BANF2: variants seen among roughly 807,000 people sequenced by gnomAD.
BANF2 encodes barrier-to-autointegration factor-like protein.
A neutral mutation model predicts 8.0 loss-of-function variants in BANF2; 4 were observed. The observed-to-expected ratio is 0.50, with a 90% CI of 0.25 to 1.14. The LOEUF is 1.14. Ranked by LOEUF, BANF2 falls within the 50% of genes most tolerant of loss-of-function variation. The pLI is 0.16. For missense variants in BANF2, 96 were observed against 107.5 expected, an observed-to-expected ratio of 0.89 and a Z score of 0.47; for synonymous variants, 50 against 40.6, an observed-to-expected ratio of 1.23 and a Z score of -0.88.
intron 1 of BANF2, among the ~76,000 whole-genome samples, chr20:17,703,842 G>C (rs1445796722): frequency 2.0e-5 from 3 of 151,256 alleles, no homozygotes; most frequent in South Asian, 4.2e-4. Context: ...CCCAATCCTG[G>C]GTTCAAGCGA....
intron 3 of BANF2, among the ~76,000 whole-genome samples, chr20:17,735,027 C>T (rs746535650): frequency 4.6e-5 from 7 of 152,024 alleles, no homozygotes; most frequent in Non-Finnish European, 1.0e-4. Context: ...TGCAGTGAGC[C>T]GAGATCACGC....
In BANF2 at chr20:17,699,970, C is replaced by A. The variant is rs2037384219; in HGVS notation, c.-252C>A. ...ACTGATTTGCCCCATGGGCCTAAGA[C>A]ATAAGCTGAACCTCTGGCCTGCAGT... is the stretch of plus-strand genomic sequence containing the variant. On this transcript the variant is annotated 5_prime_UTR_variant, in exon 1 of 4. Transcript: ENST00000246090. The A allele has an allele frequency of 4.1e-6, 4 of 985,140 alleles. No individual in the cohort carries two copies. Among genetic ancestry groups the A allele is most frequent in the Non-Finnish European group, 4.8e-6 (4 of 829,736 alleles). The allele number at this position is 985,140 out of a possible 1,614,324, so 61.0% of individuals were successfully genotyped here.
intron 3 of BANF2, among the ~76,000 whole-genome samples, chr20:17,732,499 C>T (rs1010753493): frequency 7.2e-5 from 11 of 152,146 alleles, no homozygotes; most frequent in Admixed American, 2.6e-4. Flanking sequence ...TGGGATTACA[C>T]GCGGCTGCCA....
chr20:17,694,384 G>C (rs1016190343), intron 1 of BANF2, among the ~76,000 whole-genome samples: 1 of 152,108 alleles, frequency 6.6e-6, no homozygotes, highest in African/African-American at 2.4e-5. Context: ...TCTTCTAGGT[G>C]CAGGGATCAG....
chr20:17,729,489 C>T (rs1283859065), intron 3 of BANF2, among the ~76,000 whole-genome samples: 1 of 152,214 alleles, frequency 6.6e-6, no homozygotes, highest in African/African-American at 2.4e-5. Flanking sequence ...GTAATCCCAG[C>T]ACTTTGGGAG....
At chr20:17,717,194 G>A (rs1030315164) in intron 1 of BANF2, among the ~76,000 whole-genome samples, 6 of 152,098 alleles carry the variant, frequency 3.9e-5, no homozygotes, top group African/African-American at 1.4e-4. Flanking sequence ...TCAGTGCAGA[G>A]GTCCCATCAT....
chr20:17,717,011 C>A (rs1170235864), intron 1 of BANF2, among the ~76,000 whole-genome samples: 1 of 152,108 alleles, frequency 6.6e-6, no homozygotes, highest in Non-Finnish European at 1.5e-5. Flanking sequence ...GTGATGGCAC[C>A]AGGCCAGCCA....
At chr20:17,735,213 T>C (rs1012383574) in intron 3 of BANF2, among the ~76,000 whole-genome samples, 2 of 152,232 alleles carry the variant, frequency 1.3e-5, no homozygotes, top group African/African-American at 2.4e-5. Flanking sequence ...ATGTGTGTGT[T>C]TCCAAGAGAA....
intron 3 of BANF2, among the ~76,000 whole-genome samples, chr20:17,732,665 C>G (rs1044904033): frequency 1.3e-5 from 2 of 152,180 alleles, no homozygotes; most frequent in African/African-American, 4.8e-5. Flanking sequence ...CGAGCCCCCC[C>G]TCTTACAGCT....
chr20:17,703,932 G>C (rs958511262), intron 1 of BANF2, among the ~76,000 whole-genome samples: 19 of 152,206 alleles, frequency 1.2e-4, no homozygotes, highest in African/African-American at 4.6e-4. Context: ...GTTTTTAGTA[G>C]AGATGGGATT....
At chr20:17,734,106 C>T (rs1199466389) in intron 3 of BANF2, among the ~76,000 whole-genome samples, 7 of 152,136 alleles carry the variant, frequency 4.6e-5, no homozygotes, top group Non-Finnish European at 7.4e-5. Context: ...TTTCTGGCTA[C>T]GTGGCCTTGG....
chr20:17,729,465 G>A (rs1274559287), intron 3 of BANF2, among the ~76,000 whole-genome samples: 1 of 152,198 alleles, frequency 6.6e-6, no homozygotes, highest in Non-Finnish European at 1.5e-5. Context: ...AGCTGGGCAC[G>A]GTGGCTCACG....
At position 17,721,974 on chromosome 20, in the gene BANF2, T is replaced by G. The variant is rs537134550; in HGVS notation, c.-166-742T>G. 3.3e-5 allele frequency among the ~76,000 whole-genome samples: 5 copies of G among 152,356 alleles called. No homozygotes were observed. In the East Asian group the frequency reaches 9.6e-4, roughly 29 times the overall value. ...GATGCTTAGCAGTGTCTCTGGCCTC[T>G]GCCCACTAGAGCCAATAGTCCTTCC... On this transcript the variant is annotated intron_variant, in intron 1 of 3. Transcript: ENST00000246090.
intron 1 of BANF2, among the ~76,000 whole-genome samples, chr20:17,700,354 A>G (rs2037389050): frequency 6.7e-6 from 1 of 150,130 alleles, no homozygotes; most frequent in Non-Finnish European, 1.5e-5. Flanking sequence ...TTCTTAATAG[A>G]GCAGAGAGGC....
rs558213849 is a variant in BANF2, at chr20:17,706,343, C to T, written c.-167+6288C>T. ...GCTCATTCTAAGCCACTCAGTGACC[C>T]GGCTTGGGGATTATCATGACCCATA... On this transcript the variant is annotated intron_variant, in intron 1 of 3. Coordinates refer to ENST00000246090, the MANE Select transcript of BANF2 (RefSeq NM_178477.5). Among the ~76,000 whole-genome samples, 202 of 152,224 alleles carry T rather than the reference C, an allele frequency of 1.3e-3. 1 individual carries two copies. The highest frequency in any genetic ancestry group is 0.01 in the Middle Eastern group (3 of 294).
rs1176666620 is a variant in BANF2, at chr20:17,718,467, G to A, written c.-166-4249G>A. On this transcript the variant is annotated intron_variant, in intron 1 of 3. Transcript: ENST00000246090. ...TGGGATTACAGGCATGAGCTACCGC[G>A]CCCAGCCTGCATTGTAGAATTTTTA... Among the ~76,000 whole-genome samples the A allele has an allele frequency of 3.3e-5, 5 of 152,266 alleles. No individual in the cohort carries two copies. The South Asian group carries it at 8.3e-4, about 25-fold the overall frequency.
rs1555823747 is a variant in BANF2, at chr20:17,714,213, A to AG, written c.-166-8503_-166-8502insG. On this transcript the variant is annotated intron_variant, in intron 1 of 3. Coordinates refer to ENST00000246090, the MANE Select transcript of BANF2 (RefSeq NM_178477.5). ...AGACTCTGTCAAAAAAAAAAAAAAA[A>AG]AGAAAGAAAGAAAGAAAAAGAAGAA... Among the ~76,000 whole-genome samples, 26 of 129,608 alleles carry AG rather than the reference A, an allele frequency of 2.0e-4. 2 individuals carry two copies. Among genetic ancestry groups the AG allele is most frequent in the Middle Eastern group, 4.4e-3 (1 of 228 alleles). 85.0% of individuals were successfully genotyped at this position (129,608 alleles called of 152,430 possible).
Position 17,735,681 on chromosome 20 carries a change from G to A in BANF2, c.143G>A (p.Gly48Glu). 1 of 1,613,904 alleles carries A rather than the reference G, an allele frequency of 6.2e-7. No individual in the cohort carries two copies. Among genetic ancestry groups the A allele is most frequent in the Non-Finnish European group, 8.5e-7 (1 of 1,179,874 alleles). ...KGINKAYILL[G>E]QFLLMHKNEA... ...CCTCCCCAGGCCTACATCCTGCTGG[G>A]ACAATTCCTTCTGATGCACAAGAAT... Residue 48 changes from glycine (G) to glutamate (E), a missense_variant, in exon 4 of 4, where the codon GGA (glycine) becomes GAA (glutamate). By Grantham distance (98) the Gly-to-Glu change is moderately conservative (BLOSUM62 -2). Coordinates refer to ENST00000246090, the MANE Select transcript of BANF2 (RefSeq NM_178477.5).
chr20:17,698,627 G>A (rs542808806), upstream of BANF2, among the ~76,000 whole-genome samples: 4 of 152,298 alleles, frequency 2.6e-5, no homozygotes, highest in South Asian at 8.3e-4. Flanking sequence ...CCGCTTGTAG[G>A]CAGGGTGGAC....
Sources: allele counts gnomAD v4.1 joint callset (sites outside exome capture counted in the v4.1 genomes callset), GRCh38; gene constraint gnomAD v4.1.1; transcripts MANE v1.5; gene names NCBI Gene and HGNC (gene_info 2026-07-23, HGNC 2026-07-21).